The following PIP5K1B variants were observed in gnomAD, a reference collection of about 807,000 sequenced individuals.
PIP5K1B encodes phosphatidylinositol-4-phosphate 5-kinase type 1 beta, also known as phosphatidylinositol 4-phosphate 5-kinase type-1 beta.
In PIP5K1B, 42 loss-of-function variants were observed where a neutral mutation model predicts 67.0. That is an observed-to-expected ratio of 0.63 (90% CI 0.49 to 0.81). PIP5K1B has a LOEUF of 0.81. PIP5K1B is among the 30% of genes least tolerant of loss of function. PIP5K1B has a pLI of 0.00. For synonymous variants in PIP5K1B, 214 were observed against 231.4 expected (o/e 0.92, Z 0.68); for missense variants, 459 against 646.3 (o/e 0.71, Z 3.14).
chr9:68,880,761 C>T (rs1824162076), intron 6 of PIP5K1B, among the ~76,000 whole-genome samples: 1 of 152,212 alleles, frequency 6.6e-6, no homozygotes, highest in South Asian at 2.1e-4. Flanking sequence ...TTGCAAGAAA[C>T]AGAACAAAGG....
At chr9:68,819,496 C>G (rs915035116) in intron 3 of PIP5K1B, among the ~76,000 whole-genome samples, 7 of 152,180 alleles carry the variant, frequency 4.6e-5, no homozygotes, top group African/African-American at 1.7e-4. Context: ...TGGTCTCATA[C>G]TACTGGCCTA....
At chr9:68,978,992 G>T (rs1271407895) in intron 14 of PIP5K1B, among the ~76,000 whole-genome samples, 1 of 152,176 alleles carries the variant, frequency 6.6e-6, no homozygotes, top group Non-Finnish European at 1.5e-5. Flanking sequence ...GGTTTCTGTT[G>T]TTGTGCTTTA....
chr9:68,786,040 C>T (rs1229600583), intron 2 of PIP5K1B: 1 of 152,196 alleles, frequency 6.6e-6, no homozygotes, highest in Non-Finnish European at 1.5e-5. Context: ...TTCTAGAAAT[C>T]AGAAATACTG....
intron 4 of PIP5K1B, among the ~76,000 whole-genome samples, chr9:68,831,833 G>A (rs1438445539): frequency 1.3e-5 from 2 of 151,962 alleles, no homozygotes; most frequent in East Asian, 3.9e-4. Context: ...CCACCACCAC[G>A]CCCAGCTAAT....
At chr9:68,940,039 T>G (rs1429503991) in intron 13 of PIP5K1B, among the ~76,000 whole-genome samples, 1 of 152,142 alleles carries the variant, frequency 6.6e-6, no homozygotes, top group Non-Finnish European at 1.5e-5. Flanking sequence ...CCCCTAAGTT[T>G]TAAAGAAAAA....
chr9:68,873,973 C>A (rs1823755085), intron 5 of PIP5K1B, among the ~76,000 whole-genome samples: 1 of 152,146 alleles, frequency 6.6e-6, no homozygotes, highest in Non-Finnish European at 1.5e-5. Flanking sequence ...AGAAAACAAA[C>A]AAGAAGTTTT....
chr9:68,780,737 C>T (rs1485824220), intron 2 of PIP5K1B: 1 of 1,614,224 alleles, frequency 6.2e-7, no homozygotes, highest in Non-Finnish European at 8.5e-7. Flanking sequence ...AGAGCCCCAT[C>T]AATTGCATTA....
intron 2 of PIP5K1B, among the ~76,000 whole-genome samples, chr9:68,744,532 C>T (rs932881556): frequency 2.6e-5 from 4 of 152,220 alleles, no homozygotes; most frequent in African/African-American, 9.7e-5. Flanking sequence ...TATAACTGCT[C>T]CCCTTCCCCT....
intron 7 of PIP5K1B, 45 bp downstream of exon 7, chr9:68,889,178 ACTTTC>A (rs766024440): frequency 6.9e-7 from 1 of 1,459,588 alleles, no homozygotes; most frequent in Non-Finnish European, 9.4e-7. Context: ...AAGTTTAATT[ACTTTC>A]CTCAACAGTT....
At chr9:68,795,657 G>A (rs898168037) in intron 2 of PIP5K1B, among the ~76,000 whole-genome samples, 8 of 146,530 alleles carry the variant, frequency 5.5e-5, no homozygotes, top group Admixed American at 5.4e-4. Flanking sequence ...TTAGACTTTA[G>A]GAAATCTTCC....
At chr9:68,838,082 C>G (rs1444092844) in intron 4 of PIP5K1B, among the ~76,000 whole-genome samples, 2 of 141,294 alleles carry the variant, frequency 1.4e-5, no homozygotes, top group Non-Finnish European at 3.1e-5. Flanking sequence ...TTTTTTTTTT[C>G]TTTTGCGCAT....
intron 1 of PIP5K1B, among the ~76,000 whole-genome samples, chr9:68,737,497 A>G (rs1292640515): frequency 6.6e-6 from 1 of 152,200 alleles, no homozygotes; most frequent in Non-Finnish European, 1.5e-5. Flanking sequence ...GGGTGTTACT[A>G]AAAGGGATTT....
intron 14 of PIP5K1B, among the ~76,000 whole-genome samples, chr9:68,977,475 A>G (rs1829683159): frequency 6.6e-6 from 1 of 152,192 alleles, no homozygotes; most frequent in African/African-American, 2.4e-5. Context: ...GTGAGCTGAG[A>G]TTGGGCTACT....
intron 14 of PIP5K1B, among the ~76,000 whole-genome samples, chr9:68,951,704 G>T (rs554421867): frequency 6.6e-6 from 1 of 152,196 alleles, no homozygotes; most frequent in South Asian, 2.1e-4. Flanking sequence ...ATTAAAAAAG[G>T]TATTGATTGA....
At chr9:68,901,591 A>G (rs1348443669) in intron 8 of PIP5K1B, among the ~76,000 whole-genome samples, 2 of 152,242 alleles carry the variant, frequency 1.3e-5, no homozygotes, top group Non-Finnish European at 2.9e-5. Flanking sequence ...TGTTTTACAA[A>G]CACTGTAAAC....
At position 68,919,654 on chromosome 9, in the gene PIP5K1B, C is replaced by T. The variant is rs565330697; in HGVS notation, c.1068-27C>T. The T allele has an allele frequency of 4.1e-6, 6 of 1,472,876 alleles. No homozygotes were observed. In the African/African-American group the frequency reaches 5.6e-5, roughly 14 times the overall value. 91.2% of individuals were successfully genotyped at this position (1,472,876 alleles called of 1,614,324 possible). On this transcript the variant is annotated intron_variant, in intron 10 of 15. Coordinates refer to ENST00000265382, the MANE Select transcript of PIP5K1B (RefSeq NM_003558.4). The stretch of plus-strand genomic sequence containing the variant: ...CCAAATGAGAGTGATTTTACATTCT[C>T]ATTTCAATTTTTCCATTTATATTTA...
chr9:68,900,424 C>T (rs1041344265), intron 8 of PIP5K1B, among the ~76,000 whole-genome samples: 4 of 152,118 alleles, frequency 2.6e-5, no homozygotes, highest in Non-Finnish European at 5.9e-5. Flanking sequence ...TTTAAAAGAA[C>T]AATTAGGATC....
At chr9:68,866,815 A>C (rs1257100729) in intron 5 of PIP5K1B, among the ~76,000 whole-genome samples, 1 of 152,204 alleles carries the variant, frequency 6.6e-6, no homozygotes, top group Non-Finnish European at 1.5e-5. Context: ...CTGGAGGTTC[A>C]TGGACCAGAA....
In PIP5K1B at chr9:68,918,093, TTA is replaced by T. The variant is rs768042628; in HGVS notation, c.983+336_983+337del. Reference sequence around the variant, plus strand: ...TAAACATGTTTTATTGTTTATTTATTTATTTTTTTTTTTTGAGACAGAGTCTC... The same window carrying T: ...TAAACATGTTTTATTGTTTATTTATTTTTTTTTTTTTTGAGACAGAGTCTC... On this transcript the variant is annotated intron_variant, in intron 9 of 15. Coordinates refer to ENST00000265382, the MANE Select transcript of PIP5K1B (RefSeq NM_003558.4). 2.3e-4 allele frequency among the ~76,000 whole-genome samples: 31 copies of T among 136,104 alleles called. 3 individuals carry two copies. Among genetic ancestry groups the T allele is most frequent in the South Asian group, 5.3e-4 (2 of 3,784 alleles). The allele number at this position is 136,104 out of a possible 152,430, so 89.3% of individuals were successfully genotyped here.
Sources: allele counts gnomAD v4.1 joint callset (sites outside exome capture counted in the v4.1 genomes callset), GRCh38; gene constraint gnomAD v4.1.1; transcripts MANE v1.5; gene names NCBI Gene and HGNC (gene_info 2026-07-23, HGNC 2026-07-21).